Variants in MEIS2 observed in about 807,000 individuals in gnomAD.
MEIS2 encodes the protein homeobox protein Meis2.
Under a neutral mutation model 58.6 loss-of-function variants are expected in MEIS2, and 9 were observed. The observed-to-expected ratio is 0.15, with a 90% CI of 0.09 to 0.27. The LOEUF is 0.27. MEIS2 is among the 10% of genes least tolerant of loss of function. The pLI is 1.00. For synonymous variants in MEIS2, 221 were observed against 228.4 expected (o/e 0.97, Z 0.29); for missense variants, 427 against 635.0 (o/e 0.67, Z 3.52).
chr15:36,908,283 C>A (rs2056839320), intron 9 of MEIS2, among the ~76,000 whole-genome samples: 1 of 152,186 alleles, frequency 6.6e-6, no homozygotes, highest in Admixed American at 6.5e-5. Context: ...TTTTCGGCAT[C>A]ATCCCGTAAT....
Position 37,060,543 on chromosome 15 carries a change from A to G in MEIS2, c.754+23228T>C, listed in dbSNP as rs149034233. Among the ~76,000 whole-genome samples, 23 of 152,272 alleles carry G rather than the reference A, an allele frequency of 1.5e-4. No homozygotes were observed. In the South Asian group the frequency reaches 2.9e-3, roughly 19 times the overall value. On this transcript the variant is annotated intron_variant, in intron 7 of 11. Coordinates refer to ENST00000561208, the MANE Select transcript of MEIS2 (RefSeq NM_170675.5). Reference sequence around the variant, plus strand: ...TCTGTAACCCCTGAACGTGTGCTCTATACGTTTCATGGGGTGTTTGGAAGG... The same window carrying G: ...TCTGTAACCCCTGAACGTGTGCTCTGTACGTTTCATGGGGTGTTTGGAAGG...
chr15:37,088,258 C>A (rs1306498181), intron 6 of MEIS2, among the ~76,000 whole-genome samples: 1 of 152,068 alleles, frequency 6.6e-6, no homozygotes, highest in African/African-American at 2.4e-5. Flanking sequence ...AATAAAGTAA[C>A]TCAGGGTATG....
intron 8 of MEIS2, among the ~76,000 whole-genome samples, chr15:36,962,887 T>C (rs1031588051): frequency 2.0e-5 from 3 of 152,180 alleles, no homozygotes; most frequent in Non-Finnish European, 2.9e-5. Context: ...ATTAAGCAAA[T>C]CTAAGATACT....
chr15:36,970,323 G>C (rs905845825), intron 8 of MEIS2, among the ~76,000 whole-genome samples: 2 of 151,482 alleles, frequency 1.3e-5, no homozygotes, highest in African/African-American at 2.4e-5. Context: ...AGAATGGCGT[G>C]AACCCGGGAG....
chr15:36,935,778 C>T (rs1160388074), intron 9 of MEIS2, among the ~76,000 whole-genome samples: 1 of 151,812 alleles, frequency 6.6e-6, no homozygotes, highest in Non-Finnish European at 1.5e-5. Context: ...ATCATTTTCC[C>T]CCTCTGTATC....
chr15:36,892,666 C>G (rs1421909151), intron 11 of MEIS2, among the ~76,000 whole-genome samples: 1 of 151,936 alleles, frequency 6.6e-6, no homozygotes, highest in Admixed American at 6.5e-5. Context: ...TAATGCAACA[C>G]AACAGAACTA....
chr15:37,053,047 T>C (rs1490670309), intron 7 of MEIS2, among the ~76,000 whole-genome samples: 1 of 152,212 alleles, frequency 6.6e-6, no homozygotes, highest in Non-Finnish European at 1.5e-5. Context: ...AAACAGGAAC[T>C]GTAAAGGTTT....
At chr15:36,975,178 A>T (rs1192866040) in intron 8 of MEIS2, among the ~76,000 whole-genome samples, 1 of 152,216 alleles carries the variant, frequency 6.6e-6, no homozygotes, top group Non-Finnish European at 1.5e-5. Context: ...CCAGGTATGT[A>T]TCTCCTCCGT....
intron 7 of MEIS2, among the ~76,000 whole-genome samples, chr15:37,046,547 C>T (rs968631888): frequency 6.6e-6 from 1 of 152,068 alleles, no homozygotes; most frequent in African/African-American, 2.4e-5. Flanking sequence ...GACAGATGGA[C>T]ACATATGTAA....
chr15:36,923,783 T>C (rs973211003), intron 9 of MEIS2, among the ~76,000 whole-genome samples: 2 of 152,222 alleles, frequency 1.3e-5, no homozygotes, highest in Admixed American at 1.3e-4. Context: ...GCTCTCCTTT[T>C]GTTCACCTTG....
At position 37,092,020 on chromosome 15, in the gene MEIS2, G is replaced by A. The variant is rs147983246; in HGVS notation, c.639+1561C>T. Among the ~76,000 whole-genome samples, 107 of 152,292 alleles carry A rather than the reference G, an allele frequency of 7.0e-4. No homozygotes were observed. In the East Asian group the frequency reaches 0.017, roughly 24 times the overall value. On this transcript the variant is annotated intron_variant, in intron 6 of 11. Coordinates refer to ENST00000561208, the MANE Select transcript of MEIS2 (RefSeq NM_170675.5). ...CTCATGGACCACAACACACTGTGGA[G>A]CCACAGATCAGCAAATAAACTTTCC...
intron 8 of MEIS2, among the ~76,000 whole-genome samples, chr15:37,012,869 G>T (rs1267387444): frequency 6.6e-6 from 1 of 151,796 alleles, no homozygotes; most frequent in Non-Finnish European, 1.5e-5. Context: ...GCTTTTTTTG[G>T]CACTTTAGGT....
At chr15:36,969,847 T>G (rs185092460) in intron 8 of MEIS2, among the ~76,000 whole-genome samples, 9 of 152,294 alleles carry the variant, frequency 5.9e-5, no homozygotes, top group Middle Eastern at 3.4e-3. Context: ...AAAAACAATG[T>G]AAATTGCAGC....
chr15:36,892,509 T>C, intron 11 of MEIS2, 50 bp from the exon 12 acceptor site: 1 of 1,455,368 alleles, frequency 6.9e-7, no homozygotes, highest in South Asian at 1.2e-5. Context: ...TAAACATTTT[T>C]ATACTTTACC....
At chr15:37,072,296 T>C (rs1321527062) in intron 7 of MEIS2, among the ~76,000 whole-genome samples, 2 of 152,094 alleles carry the variant, frequency 1.3e-5, no homozygotes, top group Non-Finnish European at 2.9e-5. Flanking sequence ...AAAATCAGAT[T>C]CCCAGCATTT....
At chr15:36,955,674 T>A (rs917969803) in intron 8 of MEIS2, among the ~76,000 whole-genome samples, 2 of 152,172 alleles carry the variant, frequency 1.3e-5, no homozygotes, top group African/African-American at 2.4e-5. Flanking sequence ...CCCTCTCAAG[T>A]TGTCTGAGCT....
At chr15:37,070,406 T>C (rs1261945425) in intron 7 of MEIS2, among the ~76,000 whole-genome samples, 1 of 151,974 alleles carries the variant, frequency 6.6e-6, no homozygotes, top group Non-Finnish European at 1.5e-5. Context: ...TTTTCCAGAG[T>C]GTGTTCTGAG....
In MEIS2 at chr15:37,045,591, A is replaced by T. The variant is rs573373288; in HGVS notation, c.755-8632T>A. Reference sequence around the variant, plus strand: ...GCAAAGTAAATTTTTTCCTACATGCAATTTACCTTTTTTTCACATCAGATC... The same window carrying T: ...GCAAAGTAAATTTTTTCCTACATGCTATTTACCTTTTTTTCACATCAGATC... On this transcript the variant is annotated intron_variant, in intron 7 of 11. Transcript: ENST00000561208. Among the ~76,000 whole-genome samples the T allele has an allele frequency of 2.0e-5, 3 of 152,252 alleles. No homozygotes were observed. In the East Asian group the frequency reaches 5.8e-4, roughly 29 times the overall value.
chr15:37,098,379 GGAGAGA>G (rs534692479), intron 1 of MEIS2, 180 bp from the exon 2 acceptor site: 22,569 of 306,140 alleles, frequency 0.074, 408 homozygotes, highest in African/African-American at 0.16. Flanking sequence ...GAGGAGAGGG[GGAGAGA>G]GAGAGAGAGA....
Sources: gnomAD v4.1 joint callset for allele counts (sites outside exome capture counted in the v4.1 genomes callset) on GRCh38, gnomAD v4.1.1 for gene constraint, MANE v1.5 for transcripts, NCBI Gene and HGNC (gene_info 2026-07-23, HGNC 2026-07-21) for gene names.